The following PAPSS2 variants were observed in gnomAD, a reference collection of about 807,000 sequenced individuals.
PAPSS2 encodes the protein 3'-phosphoadenosine 5'-phosphosulfate synthase 2, also known as bifunctional 3'-phosphoadenosine 5'-phosphosulfate synthase 2.
PAPSS2 carries 61 observed loss-of-function variants against 66.5 expected under a neutral mutation model. The ratio of observed to expected loss-of-function variants is 0.92; its 90% CI spans 0.75 to 1.14. The LOEUF is 1.14. Ranked by LOEUF, PAPSS2 falls within the 50% of genes most tolerant of loss-of-function variation. PAPSS2 has a pLI of 0.00. For synonymous variants in PAPSS2, 289 were observed against 287.5 expected, an observed-to-expected ratio of 1.01 and a Z score of -0.05; for missense variants, 708 against 789.6, an observed-to-expected ratio of 0.90 and a Z score of 1.24.
chr10:87,683,186 G>A (rs1417887178), intron 1 of PAPSS2, among the ~76,000 whole-genome samples: 6 of 148,698 alleles, frequency 4.0e-5, no homozygotes, highest in East Asian at 4.0e-4. Context: ...TCCCTCTCCC[G>A]GGTTCAAGCA....
rs550377875 is a variant in PAPSS2 at position 87,713,975 on chromosome 10, A to G, written c.382-69A>G. 2.6e-6 allele frequency: 4 copies of G among 1,547,876 alleles called. No homozygotes were observed. In the African/African-American group the frequency reaches 4.1e-5, roughly 16 times the overall value. On this transcript the variant is annotated intron_variant, in intron 3 of 12. Coordinates refer to ENST00000456849, the MANE Select transcript of PAPSS2 (RefSeq NM_001015880.2). ...TCAAGGCTATTGAAAACCAAAGTAC[A>G]CAGTGTTTTGTGATTTAGAATTTCA...
Position 87,686,027 on chromosome 10 carries a change from C to G in PAPSS2, c.28-23169C>G, listed in dbSNP as rs144567307. 4.4e-3 allele frequency among the ~76,000 whole-genome samples: 677 copies of G among 152,184 alleles called. 19 individuals carry two copies. The highest frequency in any genetic ancestry group is 0.036 in the Admixed American group (551 of 15,282). The stretch of plus-strand genomic sequence containing the variant: ...GAGAGAGCAGGAAGGAGGTCTCCAG[C>G]TCCTTTTCTGAGTTCAGATGTTCCC... On this transcript the variant is annotated intron_variant, in intron 1 of 12. Transcript: ENST00000456849.
At chr10:87,732,663 A>G (rs1468424356) in intron 9 of PAPSS2, among the ~76,000 whole-genome samples, 1 of 152,216 alleles carries the variant, frequency 6.6e-6, no homozygotes, top group Admixed American at 6.5e-5. Flanking sequence ...GTTTATTACA[A>G]TATTCACTTT....
chr10:87,724,754 A>G (rs1853637908), intron 8 of PAPSS2, among the ~76,000 whole-genome samples: 1 of 149,070 alleles, frequency 6.7e-6, no homozygotes, highest in Non-Finnish European at 1.5e-5. Flanking sequence ...GAATTATATA[A>G]TATTTCTGAT....
chr10:87,687,673 G>A (rs1489607541), intron 1 of PAPSS2, among the ~76,000 whole-genome samples: 1 of 152,146 alleles, frequency 6.6e-6, no homozygotes, highest in Non-Finnish European at 1.5e-5. Flanking sequence ...AAGAGAGGAT[G>A]TTGAATGTTC....
chr10:87,727,269 T>C lies in PAPSS2; in HGVS notation c.881-15T>C. 1.2e-6 allele frequency: 2 copies of C among 1,610,742 alleles called. No homozygotes were observed. Among genetic ancestry groups the C allele is most frequent in the Non-Finnish European group, 1.7e-6 (2 of 1,178,202 alleles). On this transcript the variant is annotated splice_polypyrimidine_tract_variant and intron_variant, in intron 8 of 12. Coordinates refer to ENST00000456849, the MANE Select transcript of PAPSS2 (RefSeq NM_001015880.2). Reference sequence around the variant, plus strand: ...TTATATCTAGTTTTCGTGCATCACATGGCTCTTTCCACAGATGGCGTGATC... The same window carrying C: ...TTATATCTAGTTTTCGTGCATCACACGGCTCTTTCCACAGATGGCGTGATC...
intron 6 of PAPSS2, 110 bp from the exon 7 acceptor site, chr10:87,715,622 A>C (rs1033926824): frequency 1.6e-5 from 12 of 731,114 alleles, no homozygotes; most frequent in East Asian, 1.3e-4. Flanking sequence ...AAAACATAGA[A>C]GGTTCTGCCC....
intron 1 of PAPSS2, among the ~76,000 whole-genome samples, chr10:87,672,761 A>G (rs1852894846): frequency 6.6e-6 from 1 of 152,224 alleles, no homozygotes; most frequent in Admixed American, 6.5e-5. Flanking sequence ...TTAGCAAATC[A>G]TATCCTGTGG....
chr10:87,745,505 A>G (rs1178706602), intron 12 of PAPSS2, among the ~76,000 whole-genome samples: 1 of 152,218 alleles, frequency 6.6e-6, no homozygotes, highest in Admixed American at 6.5e-5. Context: ...AAAGGAAGCA[A>G]CATAGAAAGA....
Position 87,741,253 on chromosome 10 carries a change from G to T in PAPSS2, c.1105G>T (p.Asp369Tyr), listed in dbSNP as rs1227547346. ...TTTCTAGATGGTGATGGAAAGTGGG[G>T]ACTGGCTGGTTGGTGGAGACCTTCA... ...PHIKMVMESG[D>Y]WLVGGDLQVL... The change falls in exon 10 of 13, where the codon GAC becomes TAC. Residue 369 changes from aspartate to tyrosine, a missense_variant. Coordinates refer to ENST00000456849, the MANE Select transcript of PAPSS2 (RefSeq NM_001015880.2). 6.2e-7 allele frequency: 1 copy of T among 1,613,800 alleles called. No homozygotes were observed. The highest frequency in any genetic ancestry group is 8.5e-7 in the Non-Finnish European group (1 of 1,179,686).
chr10:87,714,941 C>A (rs770384874), intron 5 of PAPSS2, 44 bp from the exon 6 acceptor site: 1 of 1,438,536 alleles, frequency 7.0e-7, no homozygotes, highest in Non-Finnish European at 9.8e-7. Context: ...CTGAAGCATT[C>A]TTTTTACAGT....
intron 1 of PAPSS2, among the ~76,000 whole-genome samples, chr10:87,698,660 T>C (rs905771519): frequency 8.5e-5 from 13 of 152,220 alleles, no homozygotes; most frequent in African/African-American, 2.9e-4. Flanking sequence ...TATTGTTGGC[T>C]CCCTTTATTC....
At chr10:87,680,196 C>T (rs1853001964) in intron 1 of PAPSS2, among the ~76,000 whole-genome samples, 2 of 152,168 alleles carry the variant, frequency 1.3e-5, no homozygotes, top group South Asian at 4.1e-4. Context: ...CCAGTTGTCA[C>T]TTTGGGCACT....
chr10:87,695,964 G>A (rs528943761), intron 1 of PAPSS2, among the ~76,000 whole-genome samples: 3 of 152,240 alleles, frequency 2.0e-5, no homozygotes, highest in African/African-American at 4.8e-5. Context: ...AACTTCCCCT[G>A]GCCTCACTGT....
At chr10:87,675,038 C>A (rs1589419895) in intron 1 of PAPSS2, among the ~76,000 whole-genome samples, 1 of 152,334 alleles carries the variant, frequency 6.6e-6, no homozygotes, top group East Asian at 1.9e-4. Flanking sequence ...TATCTAGGAA[C>A]TGCAGTTTAA....
chr10:87,739,789 T>G (rs1025638767), intron 9 of PAPSS2, among the ~76,000 whole-genome samples: 6 of 152,248 alleles, frequency 3.9e-5, no homozygotes, highest in African/African-American at 1.4e-4. Context: ...GTCACTGCAC[T>G]ATTCATCATC....
chr10:87,708,809 AT>A (rs1315379422), intron 1 of PAPSS2, among the ~76,000 whole-genome samples: 162 of 152,338 alleles, frequency 1.1e-3, no homozygotes, highest in African/African-American at 3.9e-3. Flanking sequence ...TTAATGTAAT[AT>A]GCAATTGCAT....
At chr10:87,733,645 C>G (rs1211829838) in intron 9 of PAPSS2, among the ~76,000 whole-genome samples, 1 of 152,128 alleles carries the variant, frequency 6.6e-6, no homozygotes, top group Non-Finnish European at 1.5e-5. Flanking sequence ...CCCATCCTCA[C>G]AGATTCTCAT....
chr10:87,716,968 T>A (rs1188528248), intron 7 of PAPSS2, among the ~76,000 whole-genome samples: 1 of 152,170 alleles, frequency 6.6e-6, no homozygotes, highest in Non-Finnish European at 1.5e-5. Context: ...ATTATCCCAC[T>A]TTACAGATGA....
Sources: gnomAD v4.1 joint callset for allele counts (sites outside exome capture counted in the v4.1 genomes callset) on GRCh38, gnomAD v4.1.1 for gene constraint, MANE v1.5 for transcripts, NCBI Gene and HGNC (gene_info 2026-07-23, HGNC 2026-07-21) for gene names.